PCSK2: variants seen among roughly 807,000 people sequenced by gnomAD.
The protein encoded by PCSK2 is proprotein convertase subtilisin/kexin type 2.
PCSK2 carries 14 observed loss-of-function variants against 69.7 expected under a neutral mutation model. That is an observed-to-expected ratio of 0.20 (90% CI 0.13 to 0.31). The LOEUF is 0.31. PCSK2 is among the 10% of genes least tolerant of loss of function. The pLI is 1.00. For synonymous variants in PCSK2, 307 were observed against 320.7 expected, an observed-to-expected ratio of 0.96 and a Z score of 0.46; for missense variants, 544 against 842.5, an observed-to-expected ratio of 0.65 and a Z score of 4.39.
intron 2 of PCSK2, among the ~76,000 whole-genome samples, chr20:17,285,825 G>A (rs1005728374): frequency 6.6e-6 from 1 of 152,164 alleles, no homozygotes; most frequent in African/African-American, 2.4e-5. Flanking sequence ...ACTTCATCCA[G>A]GCCCCAGCAC....
chr20:17,271,306 A>G (rs1172772086), intron 2 of PCSK2, among the ~76,000 whole-genome samples: 1 of 152,082 alleles, frequency 6.6e-6, no homozygotes, highest in African/African-American at 2.4e-5. Context: ...TTCAAAGATA[A>G]TAGCTCCTCT....
chr20:17,481,943 C>A lies in PCSK2; in HGVS notation c.1790C>A (p.Ala597Asp). Residue 597 changes from alanine (A) to aspartate (D), a missense_variant, in exon 12 of 12, where the codon GCC becomes GAC. Coordinates refer to ENST00000262545, the MANE Select transcript of PCSK2 (RefSeq NM_002594.5). Reference protein sequence around the residue: ...WTLMLHGTQSAPYIDQVVRDY... With the variant: ...WTLMLHGTQSDPYIDQVVRDY... ...CTGATGCTGCATGGCACTCAGAGTG[C>A]CCCGTACATCGACCAGGTGGTGCGG... 6.2e-7 allele frequency: 1 copy of A among 1,613,446 alleles called. No homozygotes were observed. Among genetic ancestry groups the A allele is most frequent in the Non-Finnish European group, 8.5e-7 (1 of 1,179,928 alleles).
intron 2 of PCSK2, among the ~76,000 whole-genome samples, chr20:17,320,679 T>C (rs961040491): frequency 2.0e-5 from 3 of 152,242 alleles, no homozygotes; most frequent in East Asian, 1.9e-4. Context: ...ACAAACTCCC[T>C]GTCAGAGACC....
chr20:17,465,379 G>A lies in PCSK2; in HGVS notation c.1256G>A (p.Arg419Gln), dbSNP rs777635466. ...MQHLTVLTSK[R>Q]NQLHDEVHQW... ...CATCTGACTGTGCTCACCTCCAAAC[G>A]GAACCAGCTTCACGACGAGGTCCAT... Residue 419 changes from arginine to glutamine, a missense_variant, in exon 11 of 12, where the codon CGG becomes CAG. By Grantham distance (43) the Arg-to-Gln change is conservative. Transcript: ENST00000262545. 3.7e-6 allele frequency: 6 copies of A among 1,614,168 alleles called. No individual in the cohort carries two copies. Among genetic ancestry groups the A allele is most frequent in the Admixed American group, 1.7e-5 (1 of 60,028 alleles).
intron 3 of PCSK2, among the ~76,000 whole-genome samples, 171 bp from the exon 4 acceptor site, chr20:17,360,361 C>T (rs970690130): frequency 1.0e-4 from 15 of 149,702 alleles, no homozygotes; most frequent in African/African-American, 3.7e-4. Flanking sequence ...GGAGAGGAAA[C>T]ACTATAGGTA....
chr20:17,337,413 G>A (rs1001257074), intron 2 of PCSK2, among the ~76,000 whole-genome samples: 1 of 152,188 alleles, frequency 6.6e-6, no homozygotes, highest in Non-Finnish European at 1.5e-5. Context: ...ACTGGGTCAG[G>A]TTTGCCAGGC....
At chr20:17,234,744 A>T (rs112888805) in intron 1 of PCSK2, among the ~76,000 whole-genome samples, 30 of 152,208 alleles carry the variant, frequency 2.0e-4, no homozygotes, top group Non-Finnish European at 4.1e-4. Context: ...ATAACGTCAT[A>T]GCACATCAGA....
Position 17,227,259 on chromosome 20 carries a change from C to A in PCSK2, c.-47C>A. ...CACCCTCCCTCCGAGTCCCCTGCTC[C>A]GCCAGCCTGCGCGCCTCCTAGCACC... On this transcript the variant is annotated 5_prime_UTR_variant, in exon 1 of 12. Transcript: ENST00000262545. 3 of 1,477,390 alleles carry A rather than the reference C, an allele frequency of 2.0e-6. No individual in the cohort carries two copies. Among genetic ancestry groups the A allele is most frequent in the South Asian group, 1.1e-5 (1 of 87,966 alleles). The allele number at this position is 1,477,390 out of a possible 1,614,324, so 91.5% of individuals were successfully genotyped here. A position where few individuals can be genotyped will look rare whatever the true frequency, so the allele number is the denominator to read the frequency against.
chr20:17,231,232 T>G (rs1445055190), intron 1 of PCSK2, among the ~76,000 whole-genome samples: 1 of 152,212 alleles, frequency 6.6e-6, no homozygotes, highest in Non-Finnish European at 1.5e-5. Flanking sequence ...ATGTGACCAT[T>G]TTTATAATGT....
chr20:17,431,949 T>G (rs536098024), intron 7 of PCSK2, among the ~76,000 whole-genome samples: 93 of 152,334 alleles, frequency 6.1e-4, no homozygotes, highest in Non-Finnish European at 9.7e-4. Context: ...GGTGGCCAAC[T>G]CGGATCGTTG....
chr20:17,440,406 A>C (rs957567280), intron 8 of PCSK2, among the ~76,000 whole-genome samples: 1 of 152,240 alleles, frequency 6.6e-6, no homozygotes, highest in African/African-American at 2.4e-5. Context: ...AGAAAAGGGC[A>C]GCAGGGGTGA....
chr20:17,371,171 T>C (rs1455417542), intron 5 of PCSK2, among the ~76,000 whole-genome samples: 1 of 152,184 alleles, frequency 6.6e-6, no homozygotes. Flanking sequence ...GCCTGTCTCC[T>C]GTGCATAGCA....
intron 2 of PCSK2, among the ~76,000 whole-genome samples, chr20:17,318,975 A>G (rs931839169): frequency 6.6e-6 from 1 of 152,228 alleles, no homozygotes; most frequent in African/African-American, 2.4e-5. Flanking sequence ...TGTAATGCTC[A>G]TTTCTGAGCC....
In PCSK2 at chr20:17,483,657, T is replaced by C. The variant is rs1345130223; in HGVS notation, c.*1587T>C. 1 of 152,424 alleles carries C rather than the reference T, an allele frequency of 6.6e-6. No homozygotes were observed. Among genetic ancestry groups the C allele is most frequent in the Non-Finnish European group, 1.5e-5 (1 of 68,046 alleles). The allele number at this position is 152,424 out of a possible 1,614,324, so 9.4% of individuals were successfully genotyped here. ...AATCTGAAAACCCCATTTGCTTTCT[T>C]TTCTCCCATATTGGCATGGATTTCT... On this transcript the variant is annotated 3_prime_UTR_variant, in exon 12 of 12. Coordinates refer to ENST00000262545, the MANE Select transcript of PCSK2 (RefSeq NM_002594.5).
At chr20:17,306,037 C>T (rs1013735360) in intron 2 of PCSK2, among the ~76,000 whole-genome samples, 39 of 152,168 alleles carry the variant, frequency 2.6e-4, no homozygotes, top group African/African-American at 8.9e-4. Context: ...GCATGAATAA[C>T]GTTTTGGTAC....
chr20:17,376,967 T>C (rs923419778), intron 5 of PCSK2, among the ~76,000 whole-genome samples: 1 of 152,206 alleles, frequency 6.6e-6, no homozygotes, highest in African/African-American at 2.4e-5. Context: ...CTCTGTGTAA[T>C]TCCTAGTTCT....
chr20:17,273,864 G>A (rs1010157076), intron 2 of PCSK2, among the ~76,000 whole-genome samples: 2 of 152,098 alleles, frequency 1.3e-5, no homozygotes, highest in African/African-American at 2.4e-5. Context: ...ATCTTGAAAC[G>A]CCACTATCCT....
intron 8 of PCSK2, among the ~76,000 whole-genome samples, chr20:17,447,909 A>C (rs2032732190): frequency 6.6e-6 from 1 of 152,176 alleles, no homozygotes; most frequent in Non-Finnish European, 1.5e-5. Flanking sequence ...TCCCAATTTC[A>C]CTTTCAAGCC....
At chr20:17,414,842 C>G (rs576654680) in intron 6 of PCSK2, among the ~76,000 whole-genome samples, 2 of 152,230 alleles carry the variant, frequency 1.3e-5, no homozygotes, top group African/African-American at 2.4e-5. Context: ...CCGCCACGAT[C>G]AAGTCAGCTT....
Sources: allele counts gnomAD v4.1 joint callset (sites outside exome capture counted in the v4.1 genomes callset), GRCh38; gene constraint gnomAD v4.1.1; transcripts MANE v1.5; gene names NCBI Gene and HGNC (gene_info 2026-07-23, HGNC 2026-07-21).